The following PHACTR2 variants were observed in gnomAD, a reference collection of about 807,000 sequenced individuals.
PHACTR2 encodes the protein chromosome 6 open reading frame 56.
Under a neutral mutation model 76.0 loss-of-function variants are expected in PHACTR2, and 30 were observed. The ratio of observed to expected loss-of-function variants is 0.39; its 90% CI spans 0.30 to 0.54. The LOEUF is 0.54. PHACTR2 is among the 20% of genes least tolerant of loss of function. PHACTR2 has a pLI of 0.61. For missense variants in PHACTR2, 696 were observed against 781.1 expected (o/e 0.89, Z 1.30); for synonymous variants, 292 against 292.5 (o/e 1.00, Z 0.02).
chr6:143,580,441 T>C lies in PHACTR2; in HGVS notation c.217+43234T>C, dbSNP rs184552699. ...CGGGGCTTGCAGTGAGCCGAGATCGTGCCACTGCACTCCAGCCTGGGCGAC... is the reference window on the plus strand; with the variant it reads ...CGGGGCTTGCAGTGAGCCGAGATCGCGCCACTGCACTCCAGCCTGGGCGAC... On this transcript the variant is annotated intron_variant, in intron 1 of 11. Transcript: ENST00000367584. This position sits in a 1 kb window ranked among gnomAD's most constrained non-coding sequence, Gnocchi z 4.2. Among the ~76,000 whole-genome samples the C allele has an allele frequency of 0.011, 1,744 of 152,216 alleles. 39 individuals are homozygous for C. The highest frequency in any genetic ancestry group is 0.037 in the African/African-American group (1,537 of 41,516).
Position 143,783,892 on chromosome 6 carries a change from G to C in PHACTR2, c.1707+612G>C, listed in dbSNP as rs140527220. Among the ~76,000 whole-genome samples, 2 of 152,074 alleles carry C rather than the reference G, an allele frequency of 1.3e-5. No homozygotes were observed. Among genetic ancestry groups the C allele is most frequent in the African/African-American group, 4.8e-5 (2 of 41,484 alleles). On this transcript the variant is annotated intron_variant, in intron 10 of 12. Coordinates refer to ENST00000440869, the MANE Select transcript of PHACTR2 (RefSeq NM_001100164.2). This position sits in a 1 kb window ranked among gnomAD's most constrained non-coding sequence, Gnocchi z 5.2. ...TGTTTTGAGTCAGGTGCAATGGCAC[G>C]CACCTGTAGTCCCAGCTACTTGGAA...
At chr6:143,661,031 A>G (rs146273552) in intron 1 of PHACTR2, among the ~76,000 whole-genome samples, 26 of 152,330 alleles carry the variant, frequency 1.7e-4, no homozygotes, top group Non-Finnish European at 3.4e-4. Flanking sequence ...TCACTCTTCA[A>G]ATGGCAATAT....
At position 143,647,126 on chromosome 6, in the gene PHACTR2, G is replaced by A. The variant is rs1186057625; in HGVS notation, c.13+38804G>A. On this transcript the variant is annotated intron_variant, in intron 1 of 11. Coordinates refer to the PHACTR2 transcript ENST00000305766. The surrounding 1 kb of genome is among the most constrained non-coding windows in gnomAD (Gnocchi z 4.2). ...GATATAAAACATTTTATGGTGCCGG[G>A]TTGCTGTTGACCTACATTGATAATT... 6.6e-6 allele frequency among the ~76,000 whole-genome samples: 1 copy of A among 152,180 alleles called. No homozygotes were observed. The highest frequency in any genetic ancestry group is 6.5e-5 in the Admixed American group (1 of 15,278).
Position 143,556,869 on chromosome 6 carries a change from T to C in PHACTR2, c.217+19662T>C, listed in dbSNP as rs971463724. On this transcript the variant is annotated intron_variant, in intron 1 of 11. Coordinates refer to the PHACTR2 transcript ENST00000367584. This position sits in a 1 kb window ranked among gnomAD's most constrained non-coding sequence, Gnocchi z 4.3. ...AAGAGTAAGTATTCTTTTTTAAAAA[T>C]ATGGGCCAGGAACTAATAAAAATGA... Among the ~76,000 whole-genome samples the C allele has an allele frequency of 1.1e-4, 16 of 152,266 alleles. No individual in the cohort carries two copies. The highest frequency in any genetic ancestry group is 3.6e-4 in the African/African-American group (15 of 41,544).
In PHACTR2 at chr6:143,777,720, CAAAGA is replaced by C. The variant is rs1251907664; in HGVS notation, c.1645+342_1645+346del. Among the ~76,000 whole-genome samples the C allele has an allele frequency of 6.6e-6, 1 of 151,990 alleles. No individual in the cohort carries two copies. The highest frequency in any genetic ancestry group is 1.5e-5 in the Non-Finnish European group (1 of 67,984). ...CTCTAGTCTTCTCGCAAATAAATGT[CAAAGA>C]AAAGGCCAAAAGAATCCACAAGGAA... On this transcript the variant is annotated intron_variant, in intron 9 of 12. Transcript: ENST00000440869. This position sits in a 1 kb window ranked among gnomAD's most constrained non-coding sequence, Gnocchi z 4.6.
chr6:143,565,970 G>A (rs1040031764), intron 1 of PHACTR2, among the ~76,000 whole-genome samples: 10 of 152,096 alleles, frequency 6.6e-5, no homozygotes, highest in Non-Finnish European at 1.3e-4. Flanking sequence ...TAGGGGCATG[G>A]GCAGGGTGGA....
rs984691325 is a variant in PHACTR2, at chr6:143,648,880, C to T, written c.13+40558C>T. Among the ~76,000 whole-genome samples, 11 of 127,082 alleles carry T rather than the reference C, an allele frequency of 8.7e-5. No homozygotes were observed. The highest frequency in any genetic ancestry group is 1.7e-4 in the Non-Finnish European group (10 of 58,694). The allele number at this position is 127,082 out of a possible 152,430, so 83.4% of individuals were successfully genotyped here. On this transcript the variant is annotated intron_variant, in intron 1 of 11. Transcript: ENST00000305766. This position sits in a 1 kb window ranked among gnomAD's most constrained non-coding sequence, Gnocchi z 6.7. ...CATGTGTGTGTCTATGCATATGTGT[C>T]TATGTATGTTTGTGTGTGTGTGTGT...
intron 1 of PHACTR2, among the ~76,000 whole-genome samples, chr6:143,572,892 T>C (rs562581342): frequency 1.5e-4 from 23 of 152,370 alleles, no homozygotes; most frequent in African/African-American, 5.5e-4. Flanking sequence ...CAAATCTTAC[T>C]GCTATGAATC....
rs919937978 is a variant in PHACTR2 at position 143,621,578 on chromosome 6, C to G, written c.13+13256C>G. On this transcript the variant is annotated intron_variant, in intron 1 of 11. Transcript: ENST00000305766. The surrounding 1 kb of genome is among the most constrained non-coding windows in gnomAD (Gnocchi z 4.1). ...TTCTCAAATTGAACATACCCCAACC[C>G]TTGAATAGTGTGGGATTGTGCAAAG... Among the ~76,000 whole-genome samples, 6 of 152,180 alleles carry G rather than the reference C, an allele frequency of 3.9e-5. No individual in the cohort carries two copies. Among genetic ancestry groups the G allele is most frequent in the Non-Finnish European group, 8.8e-5 (6 of 68,042 alleles).
Position 143,789,669 on chromosome 6 carries a change from G to T in PHACTR2, c.1845+759G>T, listed in dbSNP as rs1284346783. The stretch of plus-strand genomic sequence containing the variant: ...ATTGAATAAACTCGTGCTATACCCA[G>T]TTTTTTTTAATCATAAGTACTTTTG... On this transcript the variant is annotated intron_variant, in intron 11 of 12. Transcript: ENST00000440869. This position sits in a 1 kb window ranked among gnomAD's most constrained non-coding sequence, Gnocchi z 5.1. 6.6e-6 allele frequency among the ~76,000 whole-genome samples: 1 copy of T among 151,976 alleles called. No homozygotes were observed. The highest frequency in any genetic ancestry group is 1.9e-4 in the East Asian group (1 of 5,186).
Position 143,708,162 on chromosome 6 carries a change from G to A in PHACTR2, c.47-3854G>A, listed in dbSNP as rs568620398. Among the ~76,000 whole-genome samples the A allele has an allele frequency of 6.6e-6, 1 of 152,208 alleles. No individual in the cohort carries two copies. The highest frequency in any genetic ancestry group is 2.1e-4 in the South Asian group (1 of 4,812). ...GCCTCATTTATTTTTGGCTTATATG[G>A]TCACATTTGCACTGGGACTGCCTAA... On this transcript the variant is annotated intron_variant, in intron 1 of 12. Coordinates refer to ENST00000440869, the MANE Select transcript of PHACTR2 (RefSeq NM_001100164.2). The surrounding 1 kb of genome is among the most constrained non-coding windows in gnomAD (Gnocchi z 5.5).
At position 143,737,261 on chromosome 6, in the gene PHACTR2, T is replaced by C. The variant is rs1778843713; in HGVS notation, c.215-11724T>C. 2.0e-5 allele frequency among the ~76,000 whole-genome samples: 3 copies of C among 151,278 alleles called. 1 individual carries two copies. In the South Asian group the frequency reaches 6.2e-4, roughly 31 times the overall value. On this transcript the variant is annotated intron_variant, in intron 2 of 12. Coordinates refer to ENST00000440869, the MANE Select transcript of PHACTR2 (RefSeq NM_001100164.2). ...ATATATTATATATATGTCTATGTAG[T>C]ATATAGCAGTCTATTCTTTTTAAAT...
In PHACTR2 at chr6:143,698,940, G is replaced by T. The variant is rs1309656586; in HGVS notation, c.47-13076G>T. Among the ~76,000 whole-genome samples the T allele has an allele frequency of 8.5e-5, 13 of 152,130 alleles. No individual in the cohort carries two copies. Among genetic ancestry groups the T allele is most frequent in the Non-Finnish European group, 1.5e-5 (1 of 68,032 alleles). On this transcript the variant is annotated intron_variant, in intron 1 of 12. Transcript: ENST00000440869. The surrounding 1 kb of genome is among the most constrained non-coding windows in gnomAD (Gnocchi z 4.3). ...GTCTCCTTGGCAACACTGTTGCCCT[G>T]GTAATTCTCTTCAATGGTGGCTCTG...
intron 6 of PHACTR2, among the ~76,000 whole-genome samples, chr6:143,769,186 T>G (rs1396210023): frequency 6.6e-6 from 1 of 152,224 alleles, no homozygotes; most frequent in Non-Finnish European, 1.5e-5. Flanking sequence ...TACTAATTAT[T>G]TGGTAGGCTT....
upstream of PHACTR2, among the ~76,000 whole-genome samples, chr6:143,673,583 T>G (rs1276173116): frequency 6.6e-6 from 1 of 152,158 alleles, no homozygotes; most frequent in Non-Finnish European, 1.5e-5. Flanking sequence ...AATTAAAGAT[T>G]ATTCATTTTA....
In PHACTR2 at chr6:143,809,002, G is replaced by A. The variant is rs914536995; in HGVS notation, c.1922+1869G>A. Among the ~76,000 whole-genome samples, 1 of 152,166 alleles carries A rather than the reference G, an allele frequency of 6.6e-6. No homozygotes were observed. Among genetic ancestry groups the A allele is most frequent in the African/African-American group, 2.4e-5 (1 of 41,424 alleles). ...TGACATCATGCTGGCTGGGGCCTCC[G>A]GGCAACTGGGAAGATAGAGTGCTTG... On this transcript the variant is annotated intron_variant, in intron 12 of 12. Transcript: ENST00000440869. The surrounding 1 kb of genome is among the most constrained non-coding windows in gnomAD (Gnocchi z 4.2).
chr6:143,575,533 G>A (rs1161844319), intron 1 of PHACTR2, among the ~76,000 whole-genome samples: 5 of 152,162 alleles, frequency 3.3e-5, no homozygotes, highest in African/African-American at 1.2e-4. Flanking sequence ...TTACCGTGTG[G>A]ACACTAGATG....
chr6:143,823,664 C>G lies in PHACTR2; in HGVS notation c.1923-10C>G. 6.2e-7 allele frequency: 1 copy of G among 1,610,180 alleles called. No individual in the cohort carries two copies. Among genetic ancestry groups the G allele is most frequent in the Non-Finnish European group, 8.5e-7 (1 of 1,176,536 alleles). On this transcript the variant is annotated splice_polypyrimidine_tract_variant and intron_variant, in intron 12 of 12. Transcript: ENST00000440869. The surrounding 1 kb of genome is among the most constrained non-coding windows in gnomAD (Gnocchi z 5.7). ...GGCCACAGGCTTATAGTTTCTATTT[C>G]TTACTCCAGGTTTCATCGTCCATAA...
At position 143,557,865 on chromosome 6, in the gene PHACTR2, A is replaced by G; in HGVS notation, c.217+20658A>G. 1 of 152,234 alleles carries G rather than the reference A, an allele frequency of 6.6e-6. No homozygotes were observed. Among genetic ancestry groups the G allele is most frequent in the South Asian group, 2.1e-4 (1 of 4,832 alleles). 9.4% of individuals were successfully genotyped at this position (152,234 alleles called of 1,614,324 possible). On this transcript the variant is annotated intron_variant, in intron 1 of 11. Transcript: ENST00000367584. This position sits in a 1 kb window ranked among gnomAD's most constrained non-coding sequence, Gnocchi z 5.5. ...GAAGGTAAAATTAGGCCAGGGTTCT[A>G]CGGAATAAGCTGGAACCATCTTCCA...
Sources: gnomAD v4.1 joint callset for allele counts (sites outside exome capture counted in the v4.1 genomes callset) on GRCh38, gnomAD v4.1.1 for gene constraint, Gnocchi (gnomAD v3.1) non-coding constraint, MANE v1.5 for transcripts, NCBI Gene and HGNC (gene_info 2026-07-23, HGNC 2026-07-21) for gene names.